CPSF6: variants seen among roughly 807,000 people sequenced by gnomAD.
The protein encoded by CPSF6 is cleavage and polyadenylation specificity factor subunit 6.
A neutral mutation model predicts 56.7 loss-of-function variants in CPSF6; 10 were observed. The ratio of observed to expected loss-of-function variants is 0.18; its 90% CI spans 0.11 to 0.30. The LOEUF is 0.30. CPSF6 is among the 10% of genes least tolerant of loss of function. The pLI is 1.00. For missense variants in CPSF6, 419 were observed against 722.9 expected, an observed-to-expected ratio of 0.58 and a Z score of 4.82; for synonymous variants, 248 against 244.8, an observed-to-expected ratio of 1.01 and a Z score of -0.12.
In CPSF6 at chr12:69,250,561, G is replaced by A. The variant is rs906173162; in HGVS notation, c.61-568G>A. Among the ~76,000 whole-genome samples the A allele has an allele frequency of 1.1e-3, 154 of 142,784 alleles. 1 individual carries two copies. The highest frequency in any genetic ancestry group is 3.8e-3 in the African/African-American group (147 of 38,238). 93.7% of individuals were successfully genotyped at this position (142,784 alleles called of 152,430 possible). A position where few individuals can be genotyped will look rare whatever the true frequency, so the allele number is the denominator to read the frequency against. ...TTGAACTCAGGAGTTCGAAACTAGC[G>A]TGGGCAATGTAGCGAGACCTGGTCT... On this transcript the variant is annotated intron_variant, in intron 1 of 9. Transcript: ENST00000435070.
In CPSF6 at chr12:69,253,233, G is replaced by A; in HGVS notation, c.374+79G>A. 4.1e-6 allele frequency: 3 copies of A among 739,154 alleles called. 1 individual carries two copies. The South Asian group carries it at 5.4e-5, about 13-fold the overall frequency. The allele number at this position is 739,154 out of a possible 1,614,324, so 45.8% of individuals were successfully genotyped here. On this transcript the variant is annotated intron_variant, in intron 3 of 9. Coordinates refer to ENST00000435070, the MANE Select transcript of CPSF6 (RefSeq NM_007007.3). The stretch of plus-strand genomic sequence containing the variant: ...CAAGTTAACTTTCCTTTAAGTTAAT[G>A]TTAATTACACATGTATACACATGTA...
At chr12:69,251,372 G>A in intron 2 of CPSF6, 34 bp downstream of exon 2, 1 of 1,343,734 alleles carries the variant, frequency 7.4e-7, no homozygotes, top group Non-Finnish European at 1.0e-6. Flanking sequence ...TAAATTATTG[G>A]TAATTGATTT....
chr12:69,259,682 A>T (rs975138353), intron 7 of CPSF6, 139 bp downstream of exon 7: 105 of 826,320 alleles, frequency 1.3e-4, no homozygotes, highest in Admixed American at 2.4e-4. Flanking sequence ...CGATTTATTT[A>T]AAAAGCATTG....
chr12:69,255,498 G>A (rs1872463493), intron 3 of CPSF6, among the ~76,000 whole-genome samples: 1 of 152,162 alleles, frequency 6.6e-6, no homozygotes, highest in South Asian at 2.1e-4. Context: ...ATTAATACGT[G>A]CTCATCAGCA....
At position 69,259,448 on chromosome 12, in the gene CPSF6, C is replaced by T. The variant is rs751136826; in HGVS notation, c.1220C>T (p.Thr407Met). The change falls in exon 7 of 10, where the codon ACG (threonine) becomes ATG (methionine). Residue 407 changes from threonine to methionine, a missense_variant. Physicochemically the swap from Thr to Met is moderately conservative, Grantham distance 81 (BLOSUM62 -1). Coordinates refer to ENST00000435070, the MANE Select transcript of CPSF6 (RefSeq NM_007007.3). ...PPGREMDTARTPLSEAEFEEI... is the reference protein window; with the variant it reads ...PPGREMDTARMPLSEAEFEEI... ...TACAGGGAAATGGATACTGCAAGAA[C>T]GCCATTGAGTGAAGCTGAATTTGAA... 42 of 1,612,758 alleles carry T rather than the reference C, an allele frequency of 2.6e-5. No homozygotes were observed. Among genetic ancestry groups the T allele is most frequent in the Non-Finnish European group, 3.6e-5 (42 of 1,179,514 alleles).
In CPSF6 at chr12:69,274,109, C is replaced by CTTTTTTTTTTTTTTTTTTTTTT. The variant is rs3051104; in HGVS notation, c.*4619_*4620insTTTTTTTTTTTTTTTTTTTTTT. The CTTTTTTTTTTTTTTTTTTTTTT allele has an allele frequency of 8.4e-6, 1 of 119,088 alleles. No homozygotes were observed. 7.4% of individuals were successfully genotyped at this position (119,088 alleles called of 1,614,324 possible). A position where few individuals can be genotyped will look rare whatever the true frequency, so the allele number is the denominator to read the frequency against. On this transcript the variant is annotated 3_prime_UTR_variant, in exon 10 of 10. Coordinates refer to ENST00000435070, the MANE Select transcript of CPSF6 (RefSeq NM_007007.3). ...GTAAGGTGATAATTGATCTAATAGACTTTTTTTTTTTTTTTTTTGCTGTCC... is the reference window on the plus strand; with the variant it reads ...GTAAGGTGATAATTGATCTAATAGACTTTTTTTTTTTTTTTTTTTTTTTTTTTTTTTTTTTTTTTTGCTGTCC...
rs1873345039 is a variant in CPSF6, at chr12:69,273,359, A to G, written c.*3851A>G. The G allele has an allele frequency of 9.3e-6, 2 of 216,062 alleles. No individual in the cohort carries two copies. Among genetic ancestry groups the G allele is most frequent in the African/African-American group, 2.3e-5 (1 of 43,044 alleles). 13.4% of individuals were successfully genotyped at this position (216,062 alleles called of 1,614,324 possible). A position where few individuals can be genotyped will look rare whatever the true frequency, so the allele number is the denominator to read the frequency against. ...ATGGGACGTATAAATACTTGATTAT[A>G]TACGACAGATTTTAATGTCTTTAAA... On this transcript the variant is annotated 3_prime_UTR_variant, in exon 10 of 10. Transcript: ENST00000435070.
chr12:69,250,278 A>T (rs1487581711), intron 1 of CPSF6, among the ~76,000 whole-genome samples: 3 of 151,808 alleles, frequency 2.0e-5, no homozygotes, highest in Admixed American at 6.6e-5. Context: ...ATGGCTTTGG[A>T]TTTTGGGGTG....
In CPSF6 at chr12:69,272,330, G is replaced by A. The variant is rs1873284823; in HGVS notation, c.*2822G>A. The stretch of plus-strand genomic sequence containing the variant: ...ACTATTTTCATTTAATTCTCCTGTG[G>A]AGAATATTGCTTTATTTTTTACTAG... On this transcript the variant is annotated 3_prime_UTR_variant, in exon 10 of 10. Transcript: ENST00000435070. The A allele has an allele frequency of 6.6e-6, 1 of 151,548 alleles. No individual in the cohort carries two copies. Among genetic ancestry groups the A allele is most frequent in the South Asian group, 2.1e-4 (1 of 4,832 alleles). The allele number at this position is 151,548 out of a possible 1,614,324, so 9.4% of individuals were successfully genotyped here. A position where few individuals can be genotyped will look rare whatever the true frequency, so the allele number is the denominator to read the frequency against.
chr12:69,248,797 G>A (rs1014463229), intron 1 of CPSF6, among the ~76,000 whole-genome samples: 12 of 151,858 alleles, frequency 7.9e-5, no homozygotes, highest in African/African-American at 1.7e-4. Context: ...ATTCTACCTC[G>A]TAACAAGTAA....
rs3051104 is a variant in CPSF6 at position 69,274,109 on chromosome 12, C to CTTTTTTTTTTTT, written c.*4608_*4619dup. The CTTTTTTTTTTTT allele has an allele frequency of 1.7e-5, 2 of 119,050 alleles. No homozygotes were observed. Among genetic ancestry groups the CTTTTTTTTTTTT allele is most frequent in the African/African-American group, 6.5e-5 (2 of 30,626 alleles). The allele number at this position is 119,050 out of a possible 1,614,324, so 7.4% of individuals were successfully genotyped here. ...GTAAGGTGATAATTGATCTAATAGA[C>CTTTTTTTTTTTT]TTTTTTTTTTTTTTTTTTGCTGTCC... On this transcript the variant is annotated 3_prime_UTR_variant, in exon 10 of 10. Transcript: ENST00000435070.
chr12:69,248,432 G>A (rs1367708637), intron 1 of CPSF6, among the ~76,000 whole-genome samples: 3 of 152,128 alleles, frequency 2.0e-5, no homozygotes, highest in Non-Finnish European at 4.4e-5. Flanking sequence ...TTCAGAACCG[G>A]ATTGCAAGAG....
intron 3 of CPSF6, among the ~76,000 whole-genome samples, chr12:69,253,963 C>T (rs1397680615): frequency 6.6e-6 from 1 of 152,018 alleles, no homozygotes; most frequent in Non-Finnish European, 1.5e-5. Context: ...AAAGAATTTT[C>T]TTATTTCTTA....
At chr12:69,262,339 T>A in intron 8 of CPSF6, 34 bp from the exon 9 acceptor site, 1 of 1,512,084 alleles carries the variant, frequency 6.6e-7, no homozygotes, top group Non-Finnish European at 8.9e-7. Context: ...TATCTAATTA[T>A]GGAGAGCATT....
At chr12:69,244,512 C>G (rs547356956) in intron 1 of CPSF6, among the ~76,000 whole-genome samples, 119 of 152,166 alleles carry the variant, frequency 7.8e-4, no homozygotes, top group African/African-American at 2.5e-3. Context: ...GCATGAGTCA[C>G]CACACTGGGC....
chr12:69,255,666 C>T (rs951470916), intron 3 of CPSF6, among the ~76,000 whole-genome samples: 3 of 152,126 alleles, frequency 2.0e-5, no homozygotes, highest in Admixed American at 6.5e-5. Context: ...CTCAGCCTCC[C>T]AGCGTGGGAC....
rs749608024 is a variant in CPSF6, at chr12:69,260,136, A to G, written c.1408A>G (p.Ile470Val). 39 of 1,613,444 alleles carry G rather than the reference A, an allele frequency of 2.4e-5. No individual in the cohort carries two copies. The highest frequency in any genetic ancestry group is 3.1e-5 in the Non-Finnish European group (37 of 1,179,794). The change falls in exon 8 of 10, where the codon ATT becomes GTT. Residue 470 changes from isoleucine to valine, a missense_variant. Ile to Val is a conservative substitution (Grantham distance 29). Transcript: ENST00000435070. ...TGCTGATGATCGTTGCAAAGTTCTT[A>G]TTAGTTCTTTGCAAGATTGCCTTCA... is the stretch of plus-strand genomic sequence containing the variant. ...VSADDRCKVL[I>V]SSLQDCLHGI...
At chr12:69,250,914 G>A (rs1373646941) in intron 1 of CPSF6, among the ~76,000 whole-genome samples, 2 of 152,104 alleles carry the variant, frequency 1.3e-5, no homozygotes, top group African/African-American at 4.8e-5. Context: ...CCCAAGTGCT[G>A]GGATTACAGG....
chr12:69,257,244 A>G (rs189332174), intron 4 of CPSF6, among the ~76,000 whole-genome samples: 2 of 152,354 alleles, frequency 1.3e-5, no homozygotes, highest in East Asian at 3.8e-4. Context: ...CTTGGCAACA[A>G]GACCTTTCAC....
Sources: gnomAD v4.1 joint callset for allele counts (sites outside exome capture counted in the v4.1 genomes callset) on GRCh38, gnomAD v4.1.1 for gene constraint, MANE v1.5 for transcripts, NCBI Gene and HGNC (gene_info 2026-07-23, HGNC 2026-07-21) for gene names.